Variants in TBCD observed in about 807,000 individuals in gnomAD.
TBCD encodes the protein tubulin-specific chaperone D.
A neutral mutation model predicts 169.3 loss-of-function variants in TBCD; 105 were observed. The ratio of observed to expected loss-of-function variants is 0.62; its 90% CI spans 0.53 to 0.73. The LOEUF is 0.73. Ranked by LOEUF, TBCD falls within the 30% of genes least tolerant of loss-of-function variation. The pLI, the probability that TBCD is intolerant of heterozygous loss-of-function variation, is 0.00. For missense variants in TBCD, 1,444 were observed against 1,600.1 expected, an observed-to-expected ratio of 0.90 and a Z score of 1.66; for synonymous variants, 700 against 643.9, an observed-to-expected ratio of 1.09 and a Z score of -1.32.
Position 82,814,906 on chromosome 17 carries a change from C to T in TBCD, c.1290C>T (p.Gly430=), listed in dbSNP as rs1295757458. Residue 430 remains glycine, a synonymous_variant, in exon 13 of 39, where the codon GGC becomes GGT. Transcript: ENST00000355528. ...CGCTGGCAGAGCTGGGCAGGAGAGG[C>T]CTGTTGCTGCCGTCTCGACTCGTGG... ...CLALAELGRR[G]LLLPSRLVDV... The T allele has an allele frequency of 1.9e-6, 3 of 1,612,190 alleles. No individual in the cohort carries two copies. The highest frequency in any genetic ancestry group is 2.5e-6 in the Non-Finnish European group (3 of 1,179,392).
At chr17:82,858,597 A>G (rs1256071728) in intron 13 of TBCD, 1 of 985,254 alleles carries the variant, frequency 1.0e-6, no homozygotes, top group Non-Finnish European at 1.2e-6. Context: ...TGCTGTGTGG[A>G]CGGCCTGGTT....
intron 2 of TBCD, among the ~76,000 whole-genome samples, chr17:82,762,254 T>C (rs1266930386): frequency 7.1e-6 from 1 of 140,958 alleles, no homozygotes; most frequent in Non-Finnish European, 1.5e-5. Flanking sequence ...AGGTGGAGGT[T>C]GCAGTGAGCC....
intron 18 of TBCD, among the ~76,000 whole-genome samples, chr17:82,902,080 T>G (rs11869396): frequency 0.018 from 2,701 of 152,332 alleles, 90 homozygotes; most frequent in African/African-American, 0.061. Context: ...CGGCCTTTCC[T>G]TCACGTGTTT....
Position 82,809,750 on chromosome 17 carries a change from T to G in TBCD, c.1191T>G (p.Asp397Glu). ...GCAGGCTTCCCAGAGCCCTGGCGGATGATGTGGTCGGGTCTGTGCTGGACT... is the reference window on the plus strand; with the variant it reads ...GCAGGCTTCCCAGAGCCCTGGCGGAGGATGTGGTCGGGTCTGTGCTGGACT... ...MAGRLPRALA[D>E]DVVGSVLDCF... Residue 397 changes from aspartate (D) to glutamate (E), a missense_variant, in exon 12 of 39, where the codon GAT (aspartate) becomes GAG (glutamate). Coordinates refer to ENST00000355528, the MANE Select transcript of TBCD (RefSeq NM_005993.5). 1 of 1,613,640 alleles carries G rather than the reference T, an allele frequency of 6.2e-7. No homozygotes were observed. The highest frequency in any genetic ancestry group is 1.3e-5 in the African/African-American group (1 of 75,022).
chr17:82,822,091 C>T (rs1408518474), intron 13 of TBCD, among the ~76,000 whole-genome samples: 1 of 152,220 alleles, frequency 6.6e-6, no homozygotes, highest in Non-Finnish European at 1.5e-5. Flanking sequence ...TAATTCCCAC[C>T]TGTGGACTGT....
chr17:82,822,902 G>A (rs1162541060), intron 13 of TBCD, among the ~76,000 whole-genome samples: 1 of 152,164 alleles, frequency 6.6e-6, no homozygotes, highest in East Asian at 1.9e-4. Flanking sequence ...AAGGTGAATG[G>A]GTGGAAAAGC....
rs1330393723 is a variant in TBCD, at chr17:82,930,306, A to AGCG, written c.2992-214_2992-213insGGC. On this transcript the variant is annotated intron_variant, in intron 32 of 38. Transcript: ENST00000355528. The surrounding 1 kb of genome is among the most constrained non-coding windows in gnomAD (Gnocchi z 5.2). ...ATGTCCTAAGTGAGGGCTCAGGCTG[A>AGCG]GCTGCCGTTGCCGAGAGCCTTGTGT... is the stretch of plus-strand genomic sequence containing the variant. The AGCG allele has an allele frequency of 1.0e-5, 6 of 598,938 alleles. No individual in the cohort carries two copies. The East Asian group carries it at 1.8e-4, about 18-fold the overall frequency. 37.1% of individuals were successfully genotyped at this position (598,938 alleles called of 1,614,324 possible). A position where few individuals can be genotyped will look rare whatever the true frequency, so the allele number is the denominator to read the frequency against.
intron 13 of TBCD, among the ~76,000 whole-genome samples, chr17:82,844,518 C>T (rs1360935877): frequency 6.6e-6 from 1 of 151,998 alleles, no homozygotes; most frequent in Non-Finnish European, 1.5e-5. Flanking sequence ...TTTTTAGGGA[C>T]CTGTCCTGTG....
intron 6 of TBCD, among the ~76,000 whole-genome samples, chr17:82,778,357 A>G (rs978240714): frequency 1.3e-5 from 2 of 152,156 alleles, no homozygotes; most frequent in Non-Finnish European, 2.9e-5. Context: ...GTTTGTCACC[A>G]CCTTAATGCT....
intron 1 of TBCD, among the ~76,000 whole-genome samples, chr17:82,753,645 G>T (rs943746822): frequency 2.7e-5 from 4 of 147,110 alleles, no homozygotes; most frequent in Non-Finnish European, 6.0e-5. Flanking sequence ...TAGTAGAGGG[G>T]GTTTCACCAT....
intron 6 of TBCD, 115 bp from the exon 7 acceptor site, chr17:82,781,474 G>T: frequency 1.5e-6 from 2 of 1,355,322 alleles, no homozygotes; most frequent in South Asian, 1.4e-5. Context: ...GCATCTTGGT[G>T]TAAGGGTGCG....
Position 82,839,103 on chromosome 17 carries a change from A to T in TBCD, c.1318+24169A>T, listed in dbSNP as rs146106217. 1.4e-4 allele frequency: 58 copies of T among 410,150 alleles called. 2 individuals are homozygous for T. The East Asian group carries it at 8.5e-3, about 60-fold the overall frequency. The allele number at this position is 410,150 out of a possible 1,614,324, so 25.4% of individuals were successfully genotyped here. Reference sequence around the variant, plus strand: ...CCTTTGGTTTGGTTTTGTTTTCGAAAGCTTATGCCCAATTTTAAACTTCAT... The same window carrying T: ...CCTTTGGTTTGGTTTTGTTTTCGAATGCTTATGCCCAATTTTAAACTTCAT... On this transcript the variant is annotated intron_variant, in intron 13 of 38. Transcript: ENST00000355528.
chr17:82,906,008 C>T lies in TBCD; in HGVS notation c.1877C>T (p.Ala626Val). 1 of 1,612,774 alleles carries T rather than the reference C, an allele frequency of 6.2e-7. No homozygotes were observed. Among genetic ancestry groups the T allele is most frequent in the South Asian group, 1.1e-5 (1 of 90,612 alleles). Residue 626 changes from alanine to valine, a missense_variant, in exon 20 of 39, where the codon GCA becomes GTA. Coordinates refer to ENST00000355528, the MANE Select transcript of TBCD (RefSeq NM_005993.5). ...HMRHGSILAC[A>V]EVAYALYKLA... ...AGGCATGGGTCGATTCTCGCCTGCG[C>T]AGAAGTTGCTTACGCCTTGTACAAA...
chr17:82,840,953 GGTTTTTTTTT>G (rs1439689737), intron 13 of TBCD, among the ~76,000 whole-genome samples: 11 of 70,548 alleles, frequency 1.6e-4, no homozygotes, highest in South Asian at 5.0e-4. Context: ...CAGACAAACT[GGTTTTTTTTT>G]TTTTTTTTTT....
In TBCD at chr17:82,782,866, C is replaced by T. The variant is rs1170361136; in HGVS notation, c.771+1145C>T. ...CCTGTCCGCAGAGGCGTCCTCATGT[C>T]CTCAGTGTTGTCTTCCTGTCCATGG... On this transcript the variant is annotated intron_variant, in intron 7 of 38. Coordinates refer to ENST00000355528, the MANE Select transcript of TBCD (RefSeq NM_005993.5). The surrounding 1 kb of genome is among the most constrained non-coding windows in gnomAD (Gnocchi z 5.1). Among the ~76,000 whole-genome samples, 1 of 151,170 alleles carries T rather than the reference C, an allele frequency of 6.6e-6. No homozygotes were observed. The highest frequency in any genetic ancestry group is 2.4e-5 in the African/African-American group (1 of 41,062).
intron 14 of TBCD, among the ~76,000 whole-genome samples, chr17:82,881,542 C>T (rs1170422274): frequency 6.6e-6 from 1 of 152,174 alleles, no homozygotes; most frequent in African/African-American, 2.4e-5. Context: ...TACGGGCCTG[C>T]TGCCTGCTGC....
At chr17:82,940,221 GCA>G (rs71168175) in intron 37 of TBCD, among the ~76,000 whole-genome samples, 339 of 131,746 alleles carry the variant, frequency 2.6e-3, no homozygotes, top group Admixed American at 3.8e-3. Context: ...TTGCACGCGC[GCA>G]CACACACACA....
Position 82,932,700 on chromosome 17 carries a change from C to T in TBCD, c.3156C>T (p.Thr1052=), listed in dbSNP as rs753026411. 1.9e-6 allele frequency: 3 copies of T among 1,613,860 alleles called. No homozygotes were observed. Among genetic ancestry groups the T allele is most frequent in the South Asian group, 2.2e-5 (2 of 91,038 alleles). The stretch of plus-strand genomic sequence containing the variant: ...TGAAGACGCTGGACCACGTGCTCAC[C>T]CACGGCTGCTTCGACATCTTCACCA... The part of the protein sequence containing the change: ...PLLKTLDHVL[T]HGCFDIFTTE... Residue 1052 remains threonine, a synonymous_variant, in exon 34 of 39, where the codon ACC becomes ACT. Transcript: ENST00000355528.
chr17:82,917,357 G>A (rs980970943), intron 23 of TBCD, among the ~76,000 whole-genome samples: 8 of 152,096 alleles, frequency 5.3e-5, no homozygotes, highest in African/African-American at 2.4e-5. Context: ...CTTATCTGCC[G>A]TTAAACGCAT....
Sources: gnomAD v4.1 joint callset for allele counts (sites outside exome capture counted in the v4.1 genomes callset) on GRCh38, gnomAD v4.1.1 for gene constraint, Gnocchi (gnomAD v3.1) non-coding constraint, MANE v1.5 for transcripts, NCBI Gene and HGNC (gene_info 2026-07-23, HGNC 2026-07-21) for gene names.